Variants in PTPRK observed in about 807,000 individuals in gnomAD.
PTPRK encodes the protein receptor-type tyrosine-protein phosphatase kappa.
PTPRK carries 75 observed loss-of-function variants against 178.0 expected under a neutral mutation model. The ratio of observed to expected loss-of-function variants is 0.42; its 90% CI spans 0.35 to 0.51. The LOEUF is 0.51. Ranked by LOEUF, PTPRK falls within the 20% of genes least tolerant of loss-of-function variation. PTPRK has a pLI of 0.02. For synonymous variants in PTPRK, 637 were observed against 620.6 expected (o/e 1.03, Z -0.39); for missense variants, 1,441 against 1,797.8 (o/e 0.80, Z 3.59).
intron 7 of PTPRK, among the ~76,000 whole-genome samples, chr6:128,157,840 T>C (rs1022700649): frequency 1.2e-4 from 19 of 152,062 alleles, no homozygotes; most frequent in African/African-American, 3.4e-4. Flanking sequence ...ATATTAGCCC[T>C]TTGTCAGATG....
intron 2 of PTPRK, among the ~76,000 whole-genome samples, chr6:128,349,296 C>T (rs1832808213): frequency 1.3e-5 from 2 of 151,922 alleles, no homozygotes; most frequent in South Asian, 4.2e-4. Context: ...ATATATTTGC[C>T]CATAAATATT....
chr6:128,116,192 G>A (rs1387657618), intron 7 of PTPRK, among the ~76,000 whole-genome samples: 1 of 152,024 alleles, frequency 6.6e-6, no homozygotes, highest in African/African-American at 2.4e-5. Flanking sequence ...GATGGATTAA[G>A]GTTAACAGGG....
intron 3 of PTPRK, among the ~76,000 whole-genome samples, chr6:128,294,692 A>G (rs1045851205): frequency 1.3e-5 from 2 of 152,092 alleles, no homozygotes; most frequent in African/African-American, 4.8e-5. Context: ...GTAAAAAACA[A>G]AAGTTTAAGA....
chr6:128,245,033 A>C (rs1031561008), intron 3 of PTPRK, among the ~76,000 whole-genome samples: 15 of 152,188 alleles, frequency 9.9e-5, no homozygotes, highest in African/African-American at 3.1e-4. Flanking sequence ...TACATTTGTC[A>C]AGCACTTACT....
chr6:128,479,265 GA>G (rs940702135), intron 1 of PTPRK, among the ~76,000 whole-genome samples: 34 of 149,838 alleles, frequency 2.3e-4, no homozygotes, highest in African/African-American at 5.9e-4. Context: ...GTCTCAGATG[GA>G]AAAAAAAAAT....
chr6:127,980,443 G>T (rs1775182984), intron 25 of PTPRK, among the ~76,000 whole-genome samples: 1 of 151,870 alleles, frequency 6.6e-6, no homozygotes, highest in Non-Finnish European at 1.5e-5. Context: ...AGTGAGCTGA[G>T]ATCATGCCAC....
At chr6:128,137,673 T>C (rs544823711) in intron 7 of PTPRK, among the ~76,000 whole-genome samples, 1 of 152,084 alleles carries the variant, frequency 6.6e-6, no homozygotes, top group Non-Finnish European at 1.5e-5. Context: ...CAGTAATACA[T>C]AGTTATTTAC....
intron 3 of PTPRK, among the ~76,000 whole-genome samples, chr6:128,303,217 T>C (rs1209133307): frequency 6.6e-6 from 1 of 152,212 alleles, no homozygotes; most frequent in Non-Finnish European, 1.5e-5. Flanking sequence ...CTACAGTCGC[T>C]AAATCTGCAG....
intron 2 of PTPRK, among the ~76,000 whole-genome samples, chr6:128,397,263 G>A (rs1035811127): frequency 1.5e-4 from 23 of 151,998 alleles, no homozygotes; most frequent in Non-Finnish European, 4.4e-5. Flanking sequence ...TTTTTGGAAA[G>A]GATTTTTTTT....
chr6:128,242,617 C>T lies in PTPRK; in HGVS notation c.496-15G>A, dbSNP rs1814670628. 6.2e-7 allele frequency: 1 copy of T among 1,609,708 alleles called. No homozygotes were observed. The highest frequency in any genetic ancestry group is 2.2e-5 in the East Asian group (1 of 44,618). ...TCAAATATTACCTGTCAAAAAGAAA[C>T]AGAAAATATTTACAACAATAGTTTT... On this transcript the variant is annotated splice_polypyrimidine_tract_variant and intron_variant, in intron 3 of 29. Transcript: ENST00000368226.
intron 6 of PTPRK, among the ~76,000 whole-genome samples, chr6:128,194,536 T>TG (rs1163491896): frequency 6.6e-6 from 1 of 152,224 alleles, no homozygotes; most frequent in Non-Finnish European, 1.5e-5. Flanking sequence ...GGTCATTTAA[T>TG]ACCTCATTTC....
chr6:128,144,006 A>G (rs1240397934), intron 7 of PTPRK, among the ~76,000 whole-genome samples: 1 of 152,098 alleles, frequency 6.6e-6, no homozygotes, highest in South Asian at 2.1e-4. Flanking sequence ...ACTCTATTTT[A>G]TATCTCCTCT....
intron 7 of PTPRK, among the ~76,000 whole-genome samples, chr6:128,146,872 G>A (rs1029128834): frequency 6.6e-6 from 1 of 152,144 alleles, no homozygotes; most frequent in African/African-American, 2.4e-5. Flanking sequence ...GTGGAGCAGT[G>A]TATAATACTC....
At chr6:128,491,447 T>C (rs997464916) in intron 1 of PTPRK, among the ~76,000 whole-genome samples, 5 of 152,230 alleles carry the variant, frequency 3.3e-5, no homozygotes, top group Non-Finnish European at 5.9e-5. Flanking sequence ...AGGCTTTTTG[T>C]GTCTCAGGAT....
chr6:128,411,703 A>G (rs1301567151), intron 1 of PTPRK, among the ~76,000 whole-genome samples: 1 of 152,250 alleles, frequency 6.6e-6, no homozygotes, highest in Non-Finnish European at 1.5e-5. Context: ...GCCAATAGCT[A>G]TTTTTAAAAT....
At chr6:128,516,011 T>C (rs1857954471) in intron 1 of PTPRK, among the ~76,000 whole-genome samples, 1 of 152,218 alleles carries the variant, frequency 6.6e-6, no homozygotes, top group Non-Finnish European at 1.5e-5. Context: ...CAAACCATCA[T>C]TGCTAGAAAT....
intron 13 of PTPRK, among the ~76,000 whole-genome samples, chr6:128,046,245 A>G (rs1348630282): frequency 2.6e-5 from 4 of 152,102 alleles, no homozygotes; most frequent in Non-Finnish European, 4.4e-5. Context: ...GAAAAGAAAA[A>G]CCTTAAATCA....
chr6:128,499,823 G>C (rs112081787), intron 1 of PTPRK, among the ~76,000 whole-genome samples: 4 of 152,170 alleles, frequency 2.6e-5, no homozygotes, highest in African/African-American at 9.6e-5. Flanking sequence ...CTTTGTTATT[G>C]TTTTTGTTAT....
intron 7 of PTPRK, among the ~76,000 whole-genome samples, chr6:128,138,154 C>A (rs564276434): frequency 6.6e-6 from 1 of 152,008 alleles, no homozygotes; most frequent in Non-Finnish European, 1.5e-5. Context: ...AAATAATCCA[C>A]GTGTTCTTGT....
Sources: gnomAD v4.1 joint callset for allele counts (sites outside exome capture counted in the v4.1 genomes callset) on GRCh38, gnomAD v4.1.1 for gene constraint, MANE v1.5 for transcripts, NCBI Gene and HGNC (gene_info 2026-07-23, HGNC 2026-07-21) for gene names.